PGM2: variants seen among roughly 807,000 people sequenced by gnomAD.
The protein encoded by PGM2 is phosphopentomutase.
A neutral mutation model predicts 74.6 loss-of-function variants in PGM2; 57 were observed. That is an observed-to-expected ratio of 0.76 (90% CI 0.62 to 0.95). PGM2 has a LOEUF of 0.95. Among genes scored for constraint, PGM2 ranks in the 40% least tolerant of loss-of-function variants. PGM2 has a pLI of 0.00. For missense variants in PGM2, 706 were observed against 741.9 expected (o/e 0.95, Z 0.56); for synonymous variants, 273 against 260.7 (o/e 1.05, Z -0.46).
At chr4:37,857,469 A>G (rs1711564602) in intron 13 of PGM2, among the ~76,000 whole-genome samples, 2 of 152,216 alleles carry the variant, frequency 1.3e-5, no homozygotes, top group South Asian at 4.1e-4. Context: ...AGGAGAAGTG[A>G]CTGCTGATAG....
At chr4:37,827,942 C>G (rs1725341143) in intron 1 of PGM2, among the ~76,000 whole-genome samples, 1 of 152,178 alleles carries the variant, frequency 6.6e-6, no homozygotes, top group Non-Finnish European at 1.5e-5. Context: ...TTCTCACTAC[C>G]TTGGTTTGTA....
At chr4:37,859,136 C>T (rs1314256212) in intron 13 of PGM2, among the ~76,000 whole-genome samples, 1 of 152,196 alleles carries the variant, frequency 6.6e-6, no homozygotes, top group African/African-American at 2.4e-5. Flanking sequence ...GCAATATTTG[C>T]TCTCTCACCA....
chr4:37,835,101 ACT>A (rs758047886), intron 3 of PGM2, among the ~76,000 whole-genome samples: 1 of 151,954 alleles, frequency 6.6e-6, no homozygotes, highest in Non-Finnish European at 1.5e-5. Flanking sequence ...AACCAATGGG[ACT>A]CTCTTATGTA....
intron 3 of PGM2, among the ~76,000 whole-genome samples, chr4:37,835,596 G>A (rs2608309): frequency 0.33 from 50,674 of 152,092 alleles, 11,165 homozygotes; most frequent in African/African-American, 0.63. Context: ...ATCAGTATTA[G>A]TAGTAGCTTA....
In PGM2 at chr4:37,830,139, G is replaced by C; in HGVS notation, c.249+8G>C. ...ATCATCCAGACTACACAGGTACCATGTTTTTTATAATTCTTAGTAACTCAA... is the reference window on the plus strand; with the variant it reads ...ATCATCCAGACTACACAGGTACCATCTTTTTTATAATTCTTAGTAACTCAA... On this transcript the variant is annotated splice_region_variant and intron_variant, in intron 2 of 13. Transcript: ENST00000381967. 1 of 1,523,996 alleles carries C rather than the reference G, an allele frequency of 6.6e-7. No individual in the cohort carries two copies. The highest frequency in any genetic ancestry group is 8.8e-7 in the Non-Finnish European group (1 of 1,135,782). The allele number at this position is 1,523,996 out of a possible 1,614,324, so 94.4% of individuals were successfully genotyped here.
At position 37,846,909 on chromosome 4, in the gene PGM2, T is replaced by G. The variant is rs6814767; in HGVS notation, c.1008-22T>G. The G allele has an allele frequency of 0.19, 301,092 of 1,553,720 alleles. 32,591 individuals are homozygous for G. The highest frequency in any genetic ancestry group is 0.43 in the African/African-American group (30,589 of 71,464). On this transcript the variant is annotated intron_variant, in intron 8 of 13. Coordinates refer to ENST00000381967, the MANE Select transcript of PGM2 (RefSeq NM_018290.4). ...TAAGATTATGGAAATGAATGGTGGT[T>G]GTTGTTTTTTTTTTCTTTCAGTGGT...
intron 2 of PGM2, among the ~76,000 whole-genome samples, chr4:37,832,956 G>T (rs1214863094): frequency 6.6e-6 from 1 of 152,020 alleles, no homozygotes; most frequent in Non-Finnish European, 1.5e-5. Flanking sequence ...CTCATCCTCA[G>T]CAGGCCTCCG....
intron 1 of PGM2, 111 bp from the exon 2 acceptor site, chr4:37,829,847 CATATAT>C (rs3835059): frequency 3.3e-6 from 1 of 300,398 alleles, no homozygotes. Flanking sequence ...GAAAGGTCTA[CATATAT>C]ATATATACAT....
At position 37,836,634 on chromosome 4, in the gene PGM2, A is replaced by G. The variant is rs556923689; in HGVS notation, c.357-895A>G. Among the ~76,000 whole-genome samples, 3 of 152,302 alleles carry G rather than the reference A, an allele frequency of 2.0e-5. No homozygotes were observed. The South Asian group carries it at 6.2e-4, about 32-fold the overall frequency. On this transcript the variant is annotated intron_variant, in intron 3 of 13. Transcript: ENST00000381967. ...TAGTGCCCAAGAAGTATTTGGGGAG[A>G]GTAAGAATGATCTGATTGTTTAACT... is the stretch of plus-strand genomic sequence containing the variant.
chr4:37,862,903 A>G lies in PGM2; in HGVS notation c.*1291A>G, dbSNP rs963276065. ...TATTTTATAATGTTTTCTAGTGTCA[A>G]ACTGTACTGTGGAGAAAAGAAATGT... On this transcript the variant is annotated 3_prime_UTR_variant, in exon 14 of 14. Transcript: ENST00000381967. 2.0e-5 allele frequency: 3 copies of G among 152,118 alleles called. No homozygotes were observed. The highest frequency in any genetic ancestry group is 2.1e-4 in the South Asian group (1 of 4,834). 9.4% of individuals were successfully genotyped at this position (152,118 alleles called of 1,614,324 possible).
intron 13 of PGM2, among the ~76,000 whole-genome samples, chr4:37,861,023 GC>G (rs1266192291): frequency 6.6e-6 from 1 of 152,096 alleles, no homozygotes; most frequent in African/African-American, 2.4e-5. Context: ...TTCTAGGAAG[GC>G]TTTATAGACA....
intron 1 of PGM2, among the ~76,000 whole-genome samples, chr4:37,827,970 A>G (rs996660459): frequency 1.3e-5 from 2 of 152,230 alleles, no homozygotes; most frequent in Non-Finnish European, 2.9e-5. Flanking sequence ...GCATAGGCAT[A>G]GTGCATGACA....
chr4:37,856,333 C>T (rs1298673691), intron 13 of PGM2, among the ~76,000 whole-genome samples: 4 of 151,992 alleles, frequency 2.6e-5, no homozygotes, highest in Non-Finnish European at 4.4e-5. Flanking sequence ...TGCAGTGAGC[C>T]GAGACTGCGC....
chr4:37,842,909 C>T (rs1425078239), intron 6 of PGM2, among the ~76,000 whole-genome samples: 3 of 152,112 alleles, frequency 2.0e-5, no homozygotes, highest in Non-Finnish European at 2.9e-5. Context: ...GCAATCCACC[C>T]GCCTCGGCCT....
chr4:37,855,679 C>T lies in PGM2; in HGVS notation c.1674C>T (p.Arg558=). The T allele has an allele frequency of 2.5e-6, 4 of 1,614,068 alleles. No homozygotes were observed. Among genetic ancestry groups the T allele is most frequent in the Non-Finnish European group, 3.4e-6 (4 of 1,179,956 alleles). The change falls in exon 13 of 14, where the codon CGC becomes CGT. Residue 558 remains arginine (R), a synonymous_variant. Coordinates refer to ENST00000381967, the MANE Select transcript of PGM2 (RefSeq NM_018290.4). ...TFANGGVATM[R]TSGTEPKIKY... Reference sequence around the variant, plus strand: ...CTAATGGAGGCGTGGCCACCATGCGCACCAGTGGGACAGAGCCCAAAATCA... The same window carrying T: ...CTAATGGAGGCGTGGCCACCATGCGTACCAGTGGGACAGAGCCCAAAATCA...
intron 8 of PGM2, among the ~76,000 whole-genome samples, chr4:37,846,228 G>A (rs975649668): frequency 3.3e-5 from 5 of 152,124 alleles, no homozygotes; most frequent in African/African-American, 9.7e-5. Flanking sequence ...AAGTAAGTAC[G>A]TGGGGCTAAA....
At chr4:37,854,757 T>G (rs1726146300) in intron 12 of PGM2, among the ~76,000 whole-genome samples, 1 of 151,820 alleles carries the variant, frequency 6.6e-6, no homozygotes, top group East Asian at 1.9e-4. Context: ...AGTTTGAGGT[T>G]TTTTTTTGTG....
chr4:37,833,516 G>A (rs1004419649), intron 2 of PGM2, among the ~76,000 whole-genome samples: 10 of 152,158 alleles, frequency 6.6e-5, no homozygotes, highest in Non-Finnish European at 1.2e-4. Flanking sequence ...AACCATGATC[G>A]TGTCACTGCA....
At chr4:37,852,899 G>C (rs1415686501) in intron 12 of PGM2, among the ~76,000 whole-genome samples, 2 of 151,946 alleles carry the variant, frequency 1.3e-5, no homozygotes. Flanking sequence ...ATTTATTTTA[G>C]TTCTGAGAAG....
Sources: allele counts gnomAD v4.1 joint callset (sites outside exome capture counted in the v4.1 genomes callset), GRCh38; gene constraint gnomAD v4.1.1; transcripts MANE v1.5; gene names NCBI Gene and HGNC (gene_info 2026-07-23, HGNC 2026-07-21).